Variants in MELK observed in about 807,000 individuals in gnomAD.
MELK encodes the protein maternal embryonic leucine zipper kinase, also known as pEg3 kinase.
Under a neutral mutation model 85.0 loss-of-function variants are expected in MELK, and 81 were observed. The observed-to-expected ratio is 0.95, with a 90% CI of 0.80 to 1.15. The LOEUF (loss-of-function observed/expected upper bound fraction) is 1.15, where lower values mean the gene tolerates loss of function less well. MELK is among the 50% of genes most tolerant of loss of function. MELK has a pLI of 0.00. For synonymous variants in MELK, 252 were observed against 265.0 expected (o/e 0.95, Z 0.48); for missense variants, 754 against 777.5 (o/e 0.97, Z 0.36).
chr9:36,650,190 G>A lies in MELK; in HGVS notation c.922-1556G>A, dbSNP rs569175498. The stretch of plus-strand genomic sequence containing the variant: ...GATCTCCTGACCTCGTGATCCACCC[G>A]CCTCGGCCTCCCAAAGTGCTGGGAT... On this transcript the variant is annotated intron_variant, in intron 11 of 17. Transcript: ENST00000298048. Among the ~76,000 whole-genome samples, 19 of 151,810 alleles carry A rather than the reference G, an allele frequency of 1.3e-4. No individual in the cohort carries two copies. The East Asian group carries it at 2.3e-3, about 19-fold the overall frequency.
chr9:36,661,783 A>G (rs1007285728), intron 13 of MELK, among the ~76,000 whole-genome samples: 1 of 152,066 alleles, frequency 6.6e-6, no homozygotes, highest in African/African-American at 2.4e-5. Context: ...AAAAAATACA[A>G]AAAATTAGCT....
intron 10 of MELK, among the ~76,000 whole-genome samples, chr9:36,640,696 C>A (rs887991628): frequency 2.6e-5 from 4 of 152,176 alleles, no homozygotes; most frequent in Admixed American, 1.3e-4. Flanking sequence ...GTGATCCTCC[C>A]ACCTTAGCTT....
rs1833224233 is a variant in MELK at position 36,675,021 on chromosome 9, C to T, written c.1778+84C>T. Reference sequence around the variant, plus strand: ...TAGGAGTTGGTTGGGCGCGGTGGCTCACGCCTGTAATCCCAGCACTTTGGG... The same window carrying T: ...TAGGAGTTGGTTGGGCGCGGTGGCTTACGCCTGTAATCCCAGCACTTTGGG... On this transcript the variant is annotated intron_variant, in intron 17 of 17. Transcript: ENST00000298048. 18 of 948,040 alleles carry T rather than the reference C, an allele frequency of 1.9e-5. No homozygotes were observed. The South Asian group carries it at 2.6e-4, about 14-fold the overall frequency. The allele number at this position is 948,040 out of a possible 1,614,324, so 58.7% of individuals were successfully genotyped here.
chr9:36,594,951 G>T, intron 5 of MELK, among the ~76,000 whole-genome samples, 180 bp downstream of exon 5: 2 of 145,930 alleles, frequency 1.4e-5, no homozygotes, highest in African/African-American at 5.1e-5. Context: ...TTTGGAGGTG[G>T]TGTCTCACTC....
intron 8 of MELK, among the ~76,000 whole-genome samples, chr9:36,625,758 T>C (rs1254300212): frequency 6.6e-6 from 1 of 151,934 alleles, no homozygotes; most frequent in African/African-American, 2.4e-5. Flanking sequence ...CTGTCTCTAC[T>C]AAAAATGCAA....
chr9:36,617,944 C>A (rs1194974960), intron 8 of MELK, among the ~76,000 whole-genome samples: 1 of 151,680 alleles, frequency 6.6e-6, no homozygotes, highest in Non-Finnish European at 1.5e-5. Context: ...TGGGCAACAT[C>A]GTGAGACTCC....
intron 6 of MELK, among the ~76,000 whole-genome samples, chr9:36,598,660 C>A (rs1021693060): frequency 3.9e-5 from 6 of 152,038 alleles, no homozygotes; most frequent in Non-Finnish European, 5.9e-5. Flanking sequence ...TTTTTTCCCT[C>A]TAAGAAAATA....
At chr9:36,630,766 G>A (rs1184127836) in intron 9 of MELK, among the ~76,000 whole-genome samples, 1 of 151,910 alleles carries the variant, frequency 6.6e-6, no homozygotes, top group Non-Finnish European at 1.5e-5. Context: ...TGCTTTTTCT[G>A]CTTCTGCCTT....
intron 10 of MELK, among the ~76,000 whole-genome samples, chr9:36,634,648 A>G (rs985433999): frequency 5.3e-5 from 8 of 151,444 alleles, no homozygotes; most frequent in African/African-American, 1.9e-4. Context: ...CAGAGGTTGC[A>G]GTGAGCTAAG....
At chr9:36,585,803 T>C (rs1173219726) in intron 3 of MELK, among the ~76,000 whole-genome samples, 1 of 151,776 alleles carries the variant, frequency 6.6e-6, no homozygotes, top group Non-Finnish European at 1.5e-5. Flanking sequence ...CCAGGTGTGG[T>C]TGTGCATGCC....
In MELK at chr9:36,663,669, C is replaced by A. The variant is rs73439177; in HGVS notation, c.1177-1681C>A. 7.0e-3 allele frequency among the ~76,000 whole-genome samples: 1,066 copies of A among 152,264 alleles called. 15 individuals carry two copies. The highest frequency in any genetic ancestry group is 0.025 in the African/African-American group (1,032 of 41,554). ...GTCTGGCTTGTTTCACTTAAGGTAA[C>A]CTCCACTTCCATCCACCTTGTTGCA... is the stretch of plus-strand genomic sequence containing the variant. On this transcript the variant is annotated intron_variant, in intron 13 of 17. Transcript: ENST00000298048.
intron 4 of MELK, among the ~76,000 whole-genome samples, chr9:36,589,987 T>C (rs1564129872): frequency 6.8e-6 from 1 of 147,080 alleles, no homozygotes; most frequent in African/African-American, 2.5e-5. Context: ...AGTGATGCCA[T>C]CTCTGCTCAC....
In MELK at chr9:36,633,217, C is replaced by T; in HGVS notation, c.834+17C>T. The T allele has an allele frequency of 6.4e-7, 1 of 1,569,104 alleles. No homozygotes were observed. Among genetic ancestry groups the T allele is most frequent in the Non-Finnish European group, 8.6e-7 (1 of 1,156,344 alleles). ...AAGAATCCTGTAAGTAAAATGAAATCCAGTAGAATTTTTTTTTGACTTTGT... is the reference window on the plus strand; with the variant it reads ...AAGAATCCTGTAAGTAAAATGAAATTCAGTAGAATTTTTTTTTGACTTTGT... On this transcript the variant is annotated intron_variant, in intron 10 of 17. Transcript: ENST00000298048.
At chr9:36,646,060 G>A (rs997358344) in intron 11 of MELK, among the ~76,000 whole-genome samples, 11 of 152,176 alleles carry the variant, frequency 7.2e-5, no homozygotes, top group African/African-American at 2.7e-4. Flanking sequence ...TTGTGTATGT[G>A]TACTAATGCC....
intron 12 of MELK, among the ~76,000 whole-genome samples, chr9:36,653,123 GT>G (rs1830876533): frequency 6.6e-6 from 1 of 152,096 alleles, no homozygotes. Flanking sequence ...CTTTGTCTCA[GT>G]TTTGTCATGG....
At chr9:36,674,807 T>G in intron 16 of MELK, 27 bp from the exon 17 acceptor site, 1 of 1,401,420 alleles carries the variant, frequency 7.1e-7, no homozygotes, top group Non-Finnish European at 1.0e-6. Context: ...AAAATTTACT[T>G]CTCATCTCTT....
intron 3 of MELK, among the ~76,000 whole-genome samples, chr9:36,588,991 GT>G (rs1823246242): frequency 6.6e-6 from 1 of 152,178 alleles, no homozygotes; most frequent in African/African-American, 2.4e-5. Flanking sequence ...CTTCTAAGGA[GT>G]CTGAGATTGT....
At chr9:36,581,267 T>C (rs886255576) in intron 1 of MELK, among the ~76,000 whole-genome samples, 1 of 152,048 alleles carries the variant, frequency 6.6e-6, no homozygotes, top group Non-Finnish European at 1.5e-5. Flanking sequence ...ACTCCTGGGC[T>C]CAAGCTGTCC....
At chr9:36,670,344 A>G (rs903458277) in intron 15 of MELK, among the ~76,000 whole-genome samples, 2 of 152,162 alleles carry the variant, frequency 1.3e-5, no homozygotes, top group Non-Finnish European at 2.9e-5. Flanking sequence ...TCAGAACAAA[A>G]GGATAAAATA....
Sources: allele counts gnomAD v4.1 joint callset (sites outside exome capture counted in the v4.1 genomes callset), GRCh38; gene constraint gnomAD v4.1.1; transcripts MANE v1.5; gene names NCBI Gene and HGNC (gene_info 2026-07-23, HGNC 2026-07-21).